Variants in OR10H1 observed in about 807,000 individuals in gnomAD.
The protein encoded by OR10H1 is olfactory receptor family 10 subfamily H member 1.
OR10H1 carries 12 observed loss-of-function variants against 13.1 expected under a neutral mutation model. That is an observed-to-expected ratio of 0.92 (90% CI 0.59 to 1.48). OR10H1 has a LOEUF of 1.48. Among genes scored for constraint, OR10H1 ranks in the 40% most tolerant of loss-of-function variants. OR10H1 has a pLI of 0.00. For synonymous variants in OR10H1, 168 were observed against 175.6 expected (o/e 0.96, Z 0.34); for missense variants, 363 against 413.1 (o/e 0.88, Z 1.05).
In OR10H1 at chr19:15,815,304, G is replaced by A. The variant is rs181263665; in HGVS notation, c.-778+251C>T. On this transcript the variant is annotated intron_variant, in intron 1 of 3. Coordinates refer to ENST00000641419, the MANE Select transcript of OR10H1 (RefSeq NM_013940.4). The stretch of plus-strand genomic sequence containing the variant: ...TGCAGTGAGCCGAGATTGCGCCACT[G>A]CACTCCAGCCTGGGCTACAGAGCGA... 4.7e-5 allele frequency among the ~76,000 whole-genome samples: 7 copies of A among 148,200 alleles called. No individual in the cohort carries two copies. In the East Asian group the frequency reaches 1.4e-3, roughly 29 times the overall value.
chr19:15,811,105 G>A (rs78017131), intron 2 of OR10H1, among the ~76,000 whole-genome samples: 2,660 of 152,170 alleles, frequency 0.017, 79 homozygotes, highest in African/African-American at 0.06. Context: ...TCCAAACATC[G>A]TTGGTCTCCA....
intron 1 of OR10H1, among the ~76,000 whole-genome samples, chr19:15,813,309 C>A (rs527761942): frequency 3.9e-5 from 6 of 152,138 alleles, no homozygotes; most frequent in South Asian, 4.2e-4. Context: ...AAAACAAAAC[C>A]AAACCCATGG....
rs1234373551 is a variant in OR10H1, at chr19:15,812,722, G to A, written c.-621C>T. 1 of 144,080 alleles carries A rather than the reference G, an allele frequency of 6.9e-6. No homozygotes were observed. The allele number at this position is 144,080 out of a possible 1,614,324, so 8.9% of individuals were successfully genotyped here. On this transcript the variant is annotated 5_prime_UTR_variant, in exon 2 of 4. Coordinates refer to ENST00000641419, the MANE Select transcript of OR10H1 (RefSeq NM_013940.4). ...GAAGGAGAGTGAGATAGGAAGAAAC[G>A]AGGGAGGGAGGAATGGAGGGAGGAA... is the stretch of plus-strand genomic sequence containing the variant.
chr19:15,811,103 T>C (rs2088930462), intron 2 of OR10H1, among the ~76,000 whole-genome samples: 1 of 152,078 alleles, frequency 6.6e-6, no homozygotes. Flanking sequence ...TCTCCAAACA[T>C]CGTTGGTCTC....
intron 1 of OR10H1, among the ~76,000 whole-genome samples, chr19:15,813,859 C>G (rs943526386): frequency 8.7e-5 from 13 of 148,976 alleles, no homozygotes; most frequent in African/African-American, 3.2e-4. Context: ...GGAAGAGAAA[C>G]AGAGAGAGGA....
At position 15,813,709 on chromosome 19, in the gene OR10H1, C is replaced by A. The variant is rs571043801; in HGVS notation, c.-777-831G>T. Among the ~76,000 whole-genome samples, 6 of 112,488 alleles carry A rather than the reference C, an allele frequency of 5.3e-5. No individual in the cohort carries two copies. In the South Asian group the frequency reaches 8.8e-4, roughly 17 times the overall value. 73.8% of individuals were successfully genotyped at this position (112,488 alleles called of 152,430 possible). On this transcript the variant is annotated intron_variant, in intron 1 of 3. Coordinates refer to ENST00000641419, the MANE Select transcript of OR10H1 (RefSeq NM_013940.4). Reference sequence around the variant, plus strand: ...AGAGAGAGAAGGACAGGGAGAAAGACACAGAGAGAGGTGGGGAGAGAGAAG... The same window carrying A: ...AGAGAGAGAAGGACAGGGAGAAAGAAACAGAGAGAGGTGGGGAGAGAGAAG...
At position 15,813,199 on chromosome 19, in the gene OR10H1, C is replaced by T. The variant is rs556386219; in HGVS notation, c.-777-321G>A. On this transcript the variant is annotated intron_variant, in intron 1 of 3. Transcript: ENST00000641419. ...AATTATAGGGGAAATTGTGTGCAGG[C>T]GGAGAGAGGGTATATGGAGATTCTC... is the stretch of plus-strand genomic sequence containing the variant. Among the ~76,000 whole-genome samples, 11 of 151,310 alleles carry T rather than the reference C, an allele frequency of 7.3e-5. No individual in the cohort carries two copies. The East Asian group carries it at 1.7e-3, about 24-fold the overall frequency.
At chr19:15,809,023 G>C (rs2088919039) in intron 2 of OR10H1, among the ~76,000 whole-genome samples, 182 bp from the exon 3 acceptor site, 1 of 152,024 alleles carries the variant, frequency 6.6e-6, no homozygotes, top group Non-Finnish European at 1.5e-5. Context: ...TTGGAACAGG[G>C]CGCGTCTCTA....
chr19:15,813,183 G>A (rs919169392), intron 1 of OR10H1, among the ~76,000 whole-genome samples: 2 of 152,070 alleles, frequency 1.3e-5, no homozygotes, highest in Non-Finnish European at 2.9e-5. Context: ...TAATTATAGG[G>A]GAAATTGTGT....
rs1005543777 is a variant in OR10H1, at chr19:15,812,589, G to C, written c.-488C>G. ...GAGTGAGGAAGGAAGAAAGGAGGGA[G>C]GGAGGCAGGAAGGAAGGAGAGTGAG... On this transcript the variant is annotated 5_prime_UTR_variant, in exon 2 of 4. Transcript: ENST00000641419. 1.4e-5 allele frequency: 2 copies of C among 147,108 alleles called. No individual in the cohort carries two copies. Among genetic ancestry groups the C allele is most frequent in the Non-Finnish European group, 3.0e-5 (2 of 67,090 alleles). 9.1% of individuals were successfully genotyped at this position (147,108 alleles called of 1,614,324 possible).
chr19:15,808,106 T>G (rs1330135954), intron 3 of OR10H1, 58 bp from the exon 4 acceptor site: 1 of 1,427,502 alleles, frequency 7.0e-7, no homozygotes, highest in African/African-American at 1.4e-5. Flanking sequence ...GTTCTCAGCC[T>G]TCCCCATACC....
In OR10H1 at chr19:15,807,491, G is replaced by T. The variant is rs2088905887; in HGVS notation, c.547C>A (p.Pro183Thr). 1 of 1,614,098 alleles carries T rather than the reference G, an allele frequency of 6.2e-7. No individual in the cohort carries two copies. The highest frequency in any genetic ancestry group is 8.5e-7 in the Non-Finnish European group (1 of 1,180,056). ...EIHHFACHVP[P>T]LLKLACGDDV... Reference sequence around the variant, plus strand: ...TCTCCACAGGCCAACTTCAACAGAGGTGGCACATGGCAAGCAAAATGGTGG... The same window carrying T: ...TCTCCACAGGCCAACTTCAACAGAGTTGGCACATGGCAAGCAAAATGGTGG... The change falls in exon 4 of 4, where the codon CCT becomes ACT. Residue 183 changes from proline to threonine, a missense_variant. By Grantham distance (38) the Pro-to-Thr change is conservative. This residue lies in a region of OR10H1 where 318 missense variants were observed against 366.6 expected (regional missense o/e 0.87). Coordinates refer to ENST00000641419, the MANE Select transcript of OR10H1 (RefSeq NM_013940.4).
rs2088889256 is a variant in OR10H1, at chr19:15,805,293, G to C, written c.*1788C>G. On this transcript the variant is annotated 3_prime_UTR_variant, in exon 4 of 4. Transcript: ENST00000641419. The stretch of plus-strand genomic sequence containing the variant: ...GTTTTGACTGTGGGTTGTTTTGACT[G>C]CTTGAATGATGGAGAATTCACACTT... The C allele has an allele frequency of 6.6e-6, 1 of 152,056 alleles. No homozygotes were observed. The highest frequency in any genetic ancestry group is 1.5e-5 in the Non-Finnish European group (1 of 68,028). The allele number at this position is 152,056 out of a possible 1,614,324, so 9.4% of individuals were successfully genotyped here.
rs1295915315 is a variant in OR10H1, at chr19:15,807,188, G to A, written c.850C>T (p.Pro284Ser). Residue 284 changes from proline (P) to serine (S), a missense_variant, in exon 4 of 4, where the codon CCC (proline) becomes TCC (serine). This residue lies in a region of OR10H1 where 3 missense variants were observed against 16.3 expected (regional missense o/e 0.18). Coordinates refer to ENST00000641419, the MANE Select transcript of OR10H1 (RefSeq NM_013940.4). ...CTGAAGATGATGGGGCTGAGGAAGG[G>A]TGTGAGGACCGTGTAGGTGATGCCC... ...LMGITYTVLTPFLSPIIFSLR... is the reference protein window; with the variant it reads ...LMGITYTVLTSFLSPIIFSLR... 6.2e-7 allele frequency: 1 copy of A among 1,614,052 alleles called. No homozygotes were observed. The highest frequency in any genetic ancestry group is 8.5e-7 in the Non-Finnish European group (1 of 1,180,046).
rs2088893406 is a variant in OR10H1, at chr19:15,805,894, TCA to T, written c.*1185_*1186del. On this transcript the variant is annotated 3_prime_UTR_variant, in exon 4 of 4. Transcript: ENST00000641419. ...TCCTTGATCCAACCATGAAGACATCTCAGTCTCTCCACAACTATTCAAGACTC... is the reference window on the plus strand; with the variant it reads ...TCCTTGATCCAACCATGAAGACATCTGTCTCTCCACAACTATTCAAGACTC... The T allele has an allele frequency of 2.0e-5, 3 of 152,220 alleles. No homozygotes were observed. The highest frequency in any genetic ancestry group is 4.4e-5 in the Non-Finnish European group (3 of 68,052). The allele number at this position is 152,220 out of a possible 1,614,324, so 9.4% of individuals were successfully genotyped here. A position where few individuals can be genotyped will look rare whatever the true frequency, so the allele number is the denominator to read the frequency against.
intron 1 of OR10H1, among the ~76,000 whole-genome samples, chr19:15,814,468 T>TGA (rs2088952435): frequency 2.8e-5 from 3 of 106,348 alleles, no homozygotes; most frequent in Admixed American, 1.9e-4. Flanking sequence ...TGTGTGTGTG[T>TGA]GTGTGTGTGT....
In OR10H1 at chr19:15,808,131, G is replaced by A. The variant is rs1054551672; in HGVS notation, c.-11-83C>T. On this transcript the variant is annotated intron_variant, in intron 3 of 3. Coordinates refer to ENST00000641419, the MANE Select transcript of OR10H1 (RefSeq NM_013940.4). The stretch of plus-strand genomic sequence containing the variant: ...TTCCCCATACCTGGATTTGCCCAAG[G>A]GACTGCTCTTGATAAATGGTTTGGT... The A allele has an allele frequency of 6.1e-5, 70 of 1,145,080 alleles. No homozygotes were observed. In the African/African-American group the frequency reaches 9.1e-4, roughly 15 times the overall value. 70.9% of individuals were successfully genotyped at this position (1,145,080 alleles called of 1,614,324 possible). A position where few individuals can be genotyped will look rare whatever the true frequency, so the allele number is the denominator to read the frequency against.
rs1166229680 is a variant in OR10H1 at position 15,807,501 on chromosome 19, G to A, written c.537C>T (p.Cys179=). The change falls in exon 4 of 4, where the codon TGC becomes TGT. Residue 179 remains cysteine, a synonymous_variant. Transcript: ENST00000641419. ...CCAACTTCAACAGAGGTGGCACATG[G>A]CAAGCAAAATGGTGGATCTCCTTGT... The part of the protein sequence containing the change: ...CGHKEIHHFA[C]HVPPLLKLAC... 6.2e-7 allele frequency: 1 copy of A among 1,614,234 alleles called. No homozygotes were observed. Among genetic ancestry groups the A allele is most frequent in the Non-Finnish European group, 8.5e-7 (1 of 1,180,050 alleles).
At chr19:15,810,626 A>G (rs962846112) in intron 2 of OR10H1, among the ~76,000 whole-genome samples, 1 of 151,960 alleles carries the variant, frequency 6.6e-6, no homozygotes, top group Admixed American at 6.6e-5. Flanking sequence ...TGCTTGTAGC[A>G]TTTGGAACCT....
Sources: allele counts gnomAD v4.1 joint callset (sites outside exome capture counted in the v4.1 genomes callset), GRCh38; gene constraint gnomAD v4.1.1; regional missense constraint gnomAD v4.1.1; transcripts MANE v1.5; gene names NCBI Gene and HGNC (gene_info 2026-07-23, HGNC 2026-07-21).